The following XPNPEP3 variants were observed in gnomAD, a reference collection of about 807,000 sequenced individuals.
The protein encoded by XPNPEP3 is xaa-Pro aminopeptidase 3.
XPNPEP3 carries 41 observed loss-of-function variants against 60.0 expected under a neutral mutation model. The ratio of observed to expected loss-of-function variants is 0.68; its 90% CI spans 0.53 to 0.89. The LOEUF is 0.89. Among genes scored for constraint, XPNPEP3 ranks in the 40% least tolerant of loss-of-function variants. The pLI is 0.00. For synonymous variants in XPNPEP3, 212 were observed against 223.2 expected (o/e 0.95, Z 0.45); for missense variants, 598 against 638.9 (o/e 0.94, Z 0.69).
chr22:40,902,911 C>T (rs1445123452), intron 4 of XPNPEP3, among the ~76,000 whole-genome samples: 1 of 152,214 alleles, frequency 6.6e-6, no homozygotes, highest in Non-Finnish European at 1.5e-5. Flanking sequence ...GTGGTTCTCT[C>T]ACAGACCAGG....
At chr22:40,903,913 A>AC (rs2058144824) in intron 4 of XPNPEP3, among the ~76,000 whole-genome samples, 4 of 128,278 alleles carry the variant, frequency 3.1e-5, no homozygotes, top group African/African-American at 1.2e-4. Flanking sequence ...CACACACACA[A>AC]GTTTCATGAA....
intron 2 of XPNPEP3, among the ~76,000 whole-genome samples, chr22:40,880,368 C>G (rs533090597): frequency 6.6e-6 from 1 of 151,686 alleles, no homozygotes; most frequent in African/African-American, 2.4e-5. Flanking sequence ...ACATATTGTT[C>G]TGTTGGAAAA....
rs1478448797 is a variant in XPNPEP3, at chr22:40,928,068, G to C, written c.*1633G>C. ...GCCCAGTTTTCAGAGAAGTACCCCT[G>C]TTATCATTCTGTGATTTCCTCTAGT... is the stretch of plus-strand genomic sequence containing the variant. On this transcript the variant is annotated 3_prime_UTR_variant, in exon 10 of 10. Coordinates refer to ENST00000357137, the MANE Select transcript of XPNPEP3 (RefSeq NM_022098.4). 6.6e-6 allele frequency: 1 copy of C among 151,814 alleles called. No individual in the cohort carries two copies. The highest frequency in any genetic ancestry group is 1.9e-4 in the East Asian group (1 of 5,178). 9.4% of individuals were successfully genotyped at this position (151,814 alleles called of 1,614,324 possible).
At position 40,915,512 on chromosome 22, in the gene XPNPEP3, T is replaced by C. The variant is rs192431295; in HGVS notation, c.1055+1188T>C. 2.2e-3 allele frequency among the ~76,000 whole-genome samples: 332 copies of C among 150,000 alleles called. 2 individuals are homozygous for C. The highest frequency in any genetic ancestry group is 8.0e-3 in the African/African-American group (324 of 40,714). ...AAGTTGCAGTGAGCTAAGATTGGAC[T>C]CTGCACTCCAGCCTGGGTGACAGAG... On this transcript the variant is annotated intron_variant, in intron 7 of 9. Coordinates refer to ENST00000357137, the MANE Select transcript of XPNPEP3 (RefSeq NM_022098.4).
In XPNPEP3 at chr22:40,926,604, A is replaced by G; in HGVS notation, c.*169A>G. On this transcript the variant is annotated 3_prime_UTR_variant, in exon 10 of 10. Coordinates refer to ENST00000357137, the MANE Select transcript of XPNPEP3 (RefSeq NM_022098.4). ...TGTGTGTGGGGGGTTTTTTGTTTTA[A>G]GTAGTTAGAAGTCTGGGAAAATGAA... 7 of 794,248 alleles carry G rather than the reference A, an allele frequency of 8.8e-6. No individual in the cohort carries two copies. The highest frequency in any genetic ancestry group is 1.5e-5 in the Non-Finnish European group (7 of 482,540). The allele number at this position is 794,248 out of a possible 1,614,324, so 49.2% of individuals were successfully genotyped here. A position where few individuals can be genotyped will look rare whatever the true frequency, so the allele number is the denominator to read the frequency against.
chr22:40,922,968 A>G (rs2058222411), intron 8 of XPNPEP3, among the ~76,000 whole-genome samples: 1 of 152,210 alleles, frequency 6.6e-6, no homozygotes, highest in African/African-American at 2.4e-5. Flanking sequence ...AAAACTTAAA[A>G]TGAAGTCTGG....
At chr22:40,882,466 G>A (rs1006800599) in intron 3 of XPNPEP3, among the ~76,000 whole-genome samples, 25 of 151,980 alleles carry the variant, frequency 1.6e-4, no homozygotes, top group African/African-American at 1.7e-4. Flanking sequence ...GCGAAACCCC[G>A]TCTCTACTAA....
At chr22:40,858,790 A>G (rs1403438655) in intron 1 of XPNPEP3, among the ~76,000 whole-genome samples, 2 of 151,900 alleles carry the variant, frequency 1.3e-5, no homozygotes, top group Non-Finnish European at 2.9e-5. Flanking sequence ...TCGGCCTCCC[A>G]AAGTGCTGGG....
chr22:40,884,540 G>C (rs2058061086), intron 3 of XPNPEP3, among the ~76,000 whole-genome samples: 1 of 150,900 alleles, frequency 6.6e-6, no homozygotes. Context: ...TACCATGTTA[G>C]TCAGGCTGGT....
At chr22:40,883,934 A>G (rs1203193331) in intron 3 of XPNPEP3, among the ~76,000 whole-genome samples, 1 of 152,078 alleles carries the variant, frequency 6.6e-6, no homozygotes, top group East Asian at 1.9e-4. Flanking sequence ...TTTTTGTTTG[A>G]TTTTTCTTAC....
intron 1 of XPNPEP3, among the ~76,000 whole-genome samples, chr22:40,863,679 C>T (rs2057963475): frequency 6.6e-6 from 1 of 152,132 alleles, no homozygotes; most frequent in African/African-American, 2.4e-5. Flanking sequence ...AAATAATAAC[C>T]AATAATGTCG....
chr22:40,869,978 C>T, intron 2 of XPNPEP3: 1 of 459,290 alleles, frequency 2.2e-6, no homozygotes, highest in South Asian at 1.6e-5. Flanking sequence ...TCCTTTTTCA[C>T]TATCCCCACT....
intron 4 of XPNPEP3, among the ~76,000 whole-genome samples, chr22:40,902,312 G>A (rs1456447718): frequency 6.9e-6 from 1 of 144,380 alleles, no homozygotes; most frequent in Non-Finnish European, 1.5e-5. Context: ...GTGCAGTGGC[G>A]CGATCTTGGC....
chr22:40,859,814 C>T (rs1347879399), intron 1 of XPNPEP3: 2 of 152,160 alleles, frequency 1.3e-5, no homozygotes, highest in Non-Finnish European at 2.9e-5. Context: ...ACCATTTGCT[C>T]GATATCTGAT....
At chr22:40,922,567 T>A (rs2058220684) in intron 8 of XPNPEP3, 54 bp downstream of exon 8, 4 of 1,593,436 alleles carry the variant, frequency 2.5e-6, no homozygotes, top group African/African-American at 1.3e-5. Flanking sequence ...TGCTGCTAGG[T>A]TTTTACCCTA....
At chr22:40,873,647 C>T (rs1198749970) in intron 2 of XPNPEP3, among the ~76,000 whole-genome samples, 1 of 151,812 alleles carries the variant, frequency 6.6e-6, no homozygotes, top group East Asian at 2.0e-4. Context: ...AGTGTGTTGA[C>T]AGATGTCTGT....
At chr22:40,899,485 A>G (rs979456894) in intron 4 of XPNPEP3, among the ~76,000 whole-genome samples, 2 of 152,096 alleles carry the variant, frequency 1.3e-5, no homozygotes, top group African/African-American at 2.4e-5. Context: ...TTTTTTAAAA[A>G]TGAGTCAGTT....
At chr22:40,893,116 ATATATAT>A (rs2058094615) in intron 4 of XPNPEP3, among the ~76,000 whole-genome samples, 1 of 144,766 alleles carries the variant, frequency 6.9e-6, no homozygotes. Context: ...ATATATATAA[ATATATAT>A]TATATATTGT....
chr22:40,880,798 A>G (rs1601498113), intron 2 of XPNPEP3, among the ~76,000 whole-genome samples: 1 of 151,886 alleles, frequency 6.6e-6, no homozygotes, highest in South Asian at 2.1e-4. Context: ...AAAAAAAAAA[A>G]AAAAAACCAT....
Sources: gnomAD v4.1 joint callset for allele counts (sites outside exome capture counted in the v4.1 genomes callset) on GRCh38, gnomAD v4.1.1 for gene constraint, MANE v1.5 for transcripts, NCBI Gene and HGNC (gene_info 2026-07-23, HGNC 2026-07-21) for gene names.